CRPPA: variants seen among roughly 807,000 people sequenced by gnomAD.
The protein encoded by CRPPA is D-ribitol-5-phosphate cytidylyltransferase.
Under a neutral mutation model 52.0 loss-of-function variants are expected in CRPPA, and 43 were observed. That is an observed-to-expected ratio of 0.83 (90% CI 0.65 to 1.07). The LOEUF (loss-of-function observed/expected upper bound fraction) is 1.07. Ranked by LOEUF, CRPPA falls within the 50% of genes least tolerant of loss-of-function variation. The pLI, the probability that CRPPA is intolerant of heterozygous loss-of-function variation, is 0.00. For synonymous variants in CRPPA, 250 were observed against 203.5 expected, an observed-to-expected ratio of 1.23 and a Z score of -1.94; for missense variants, 629 against 551.7, an observed-to-expected ratio of 1.14 and a Z score of -1.40.
chr7:16,106,235 A>ACCCAT (rs1363780384), intron 9 of CRPPA, among the ~76,000 whole-genome samples: 17 of 152,290 alleles, frequency 1.1e-4, no homozygotes, highest in Middle Eastern at 3.4e-3. Flanking sequence ...TGCAAAAAAA[A>ACCCAT]CCCATCCTGT....
At chr7:16,192,984 A>G (rs2128391014) in intron 9 of CRPPA, among the ~76,000 whole-genome samples, 1 of 152,270 alleles carries the variant, frequency 6.6e-6, no homozygotes, top group South Asian at 2.1e-4. Flanking sequence ...ATCAGTTGGT[A>G]TGAGTCACCT....
intron 9 of CRPPA, among the ~76,000 whole-genome samples, chr7:16,144,572 G>C (rs1300544930): frequency 6.6e-6 from 1 of 152,212 alleles, no homozygotes; most frequent in Non-Finnish European, 1.5e-5. Context: ...ATGGAATGTA[G>C]AGGAGTTTAT....
chr7:16,136,168 A>G (rs973287456), intron 9 of CRPPA, among the ~76,000 whole-genome samples: 1 of 152,232 alleles, frequency 6.6e-6, no homozygotes, highest in African/African-American at 2.4e-5. Context: ...AATGAAGTTC[A>G]TAATTCACTT....
intron 4 of CRPPA, among the ~76,000 whole-genome samples, chr7:16,303,927 A>C (rs898303599): frequency 2.0e-5 from 3 of 152,224 alleles, no homozygotes; most frequent in African/African-American, 4.8e-5. Context: ...GAAACTCCTA[A>C]AAAAGCACAT....
At chr7:16,345,449 A>G (rs1041982275) in intron 3 of CRPPA, among the ~76,000 whole-genome samples, 1 of 152,184 alleles carries the variant, frequency 6.6e-6, no homozygotes, top group Admixed American at 6.5e-5. Flanking sequence ...ATAAGTAAAT[A>G]TAAATGATCA....
At chr7:16,398,577 G>C (rs1246655261) in intron 2 of CRPPA, among the ~76,000 whole-genome samples, 1 of 152,086 alleles carries the variant, frequency 6.6e-6, no homozygotes, top group Non-Finnish European at 1.5e-5. Flanking sequence ...ATCGACACGT[G>C]TGGCACGTGA....
At chr7:16,393,912 A>G (rs1437791762) in intron 2 of CRPPA, among the ~76,000 whole-genome samples, 22 of 152,132 alleles carry the variant, frequency 1.4e-4, no homozygotes, top group Admixed American at 1.3e-3. Context: ...TTTCAATAAG[A>G]ATATTTAAAG....
At chr7:16,230,292 C>T (rs555789630) in intron 8 of CRPPA, among the ~76,000 whole-genome samples, 13 of 152,086 alleles carry the variant, frequency 8.5e-5, no homozygotes, top group Non-Finnish European at 1.6e-4. Context: ...ACCATAAACC[C>T]TATAACCTTT....
intron 9 of CRPPA, among the ~76,000 whole-genome samples, chr7:16,096,870 T>G (rs918995389): frequency 2.0e-5 from 3 of 152,186 alleles, no homozygotes; most frequent in Admixed American, 6.5e-5. Context: ...TATAAACATG[T>G]TGACAGAAGT....
chr7:16,161,532 G>A (rs987625256), intron 9 of CRPPA, among the ~76,000 whole-genome samples: 20 of 152,294 alleles, frequency 1.3e-4, no homozygotes, highest in South Asian at 4.2e-4. Flanking sequence ...CAGGGATGAA[G>A]CCAACTTGAT....
intron 3 of CRPPA, among the ~76,000 whole-genome samples, chr7:16,367,030 A>C (rs1279267424): frequency 6.6e-6 from 1 of 152,226 alleles, no homozygotes; most frequent in East Asian, 1.9e-4. Flanking sequence ...GTAACAAGTC[A>C]GCTCTTTCTG....
intron 3 of CRPPA, among the ~76,000 whole-genome samples, chr7:16,352,118 A>T (rs1053512997): frequency 1.3e-5 from 2 of 152,198 alleles, no homozygotes; most frequent in Non-Finnish European, 2.9e-5. Context: ...TTGCAGGGAC[A>T]TGAATGAAAC....
At chr7:16,336,450 G>C (rs1189828322) in intron 3 of CRPPA, among the ~76,000 whole-genome samples, 1 of 151,224 alleles carries the variant, frequency 6.6e-6, no homozygotes, top group Non-Finnish European at 1.5e-5. Context: ...TTTTATGTAA[G>C]CCTTATAACT....
At chr7:16,300,075 A>T (rs1784762091) in intron 5 of CRPPA, among the ~76,000 whole-genome samples, 2 of 152,228 alleles carry the variant, frequency 1.3e-5, no homozygotes, top group African/African-American at 4.8e-5. Context: ...CTTGGTTGAT[A>T]TGTAAATATG....
At chr7:16,137,931 G>A (rs1298594074) in intron 9 of CRPPA, among the ~76,000 whole-genome samples, 1 of 152,220 alleles carries the variant, frequency 6.6e-6, no homozygotes, top group East Asian at 1.9e-4. Context: ...TGAGCACTGA[G>A]TGTTCATTAA....
At chr7:16,137,543 T>C (rs1782784933) in intron 9 of CRPPA, among the ~76,000 whole-genome samples, 1 of 152,178 alleles carries the variant, frequency 6.6e-6, no homozygotes, top group Non-Finnish European at 1.5e-5. Flanking sequence ...AAAGGCAGCA[T>C]TCAAAATTAA....
intron 6 of CRPPA, among the ~76,000 whole-genome samples, chr7:16,267,516 G>A (rs1046883295): frequency 3.8e-4 from 58 of 152,154 alleles, no homozygotes; most frequent in African/African-American, 1.3e-3. Flanking sequence ...CTCATTTTGA[G>A]TAGATATTTA....
Position 16,209,273 on chromosome 7 carries a change from C to CTTTTTTTTTTTTTTTT in CRPPA, c.1251+6777_1251+6792dup, listed in dbSNP as rs34795937. The CTTTTTTTTTTTTTTTT allele has an allele frequency of 4.5e-4, 55 of 123,076 alleles. 5 individuals are homozygous for CTTTTTTTTTTTTTTTT. Among genetic ancestry groups the CTTTTTTTTTTTTTTTT allele is most frequent in the Non-Finnish European group, 7.0e-4 (39 of 55,874 alleles). The allele number at this position is 123,076 out of a possible 1,614,324, so 7.6% of individuals were successfully genotyped here. On this transcript the variant is annotated intron_variant, in intron 9 of 9. Transcript: ENST00000407010. ...GGCCAAGTAATACGGTTCTAAGTGT[C>CTTTTTTTTTTTTTTTT]TTTTTTTTTTTTTTTTTGAGACGAG...
At chr7:16,168,353 C>T (rs1781109138) in intron 9 of CRPPA, among the ~76,000 whole-genome samples, 1 of 152,038 alleles carries the variant, frequency 6.6e-6, no homozygotes, top group South Asian at 2.1e-4. Flanking sequence ...AGGAATATGA[C>T]ATATCTGGAA....
Sources: gnomAD v4.1 joint callset for allele counts (sites outside exome capture counted in the v4.1 genomes callset) on GRCh38, gnomAD v4.1.1 for gene constraint, MANE v1.5 for transcripts, NCBI Gene and HGNC (gene_info 2026-07-23, HGNC 2026-07-21) for gene names.